The following CACNA2D3 variants were observed in gnomAD, a reference collection of about 807,000 sequenced individuals.
CACNA2D3 encodes calcium voltage-gated channel auxiliary subunit alpha2delta 3, also known as voltage-dependent calcium channel subunit alpha-2/delta-3.
In CACNA2D3, 60 loss-of-function variants were observed where a neutral mutation model predicts 160.6. The observed-to-expected ratio is 0.37, with a 90% CI of 0.30 to 0.46. CACNA2D3 has a LOEUF of 0.46. Ranked by LOEUF, CACNA2D3 falls within the 20% of genes least tolerant of loss-of-function variation. The pLI, the probability that CACNA2D3 is intolerant of heterozygous loss-of-function variation, is 1.00. For synonymous variants in CACNA2D3, 558 were observed against 492.9 expected (o/e 1.13, Z -1.75); for missense variants, 1,205 against 1,365.0 (o/e 0.88, Z 1.85).
chr3:55,000,949 C>G (rs369636077), intron 31 of CACNA2D3, among the ~76,000 whole-genome samples: 1 of 152,110 alleles, frequency 6.6e-6, no homozygotes, highest in East Asian at 1.9e-4. Flanking sequence ...TCAGCTTGGC[C>G]CCCTACTAAA....
intron 34 of CACNA2D3, among the ~76,000 whole-genome samples, chr3:55,010,524 C>T (rs563606300): frequency 4.7e-4 from 71 of 152,300 alleles, no homozygotes; most frequent in Middle Eastern, 6.8e-3. Flanking sequence ...GCAGTCTGCC[C>T]CAGGCCTGCC....
At chr3:54,242,121 T>G in intron 2 of CACNA2D3, among the ~76,000 whole-genome samples, 1 of 152,054 alleles carries the variant, frequency 6.6e-6, no homozygotes, top group East Asian at 1.9e-4. Context: ...TAAAAATAAC[T>G]AATAATAAAA....
At chr3:54,842,840 A>G (rs929589339) in intron 16 of CACNA2D3, among the ~76,000 whole-genome samples, 1 of 151,904 alleles carries the variant, frequency 6.6e-6, no homozygotes, top group African/African-American at 2.4e-5. Flanking sequence ...ACCTGAAGTG[A>G]TCTGCCTGCC....
chr3:55,055,484 G>A (rs1338124862), intron 35 of CACNA2D3, among the ~76,000 whole-genome samples: 1 of 152,030 alleles, frequency 6.6e-6, no homozygotes, highest in Non-Finnish European at 1.5e-5. Flanking sequence ...GTAGTATGGT[G>A]TCTCCAGCTT....
chr3:54,617,115 C>T (rs1355593951), intron 9 of CACNA2D3, among the ~76,000 whole-genome samples: 6 of 152,070 alleles, frequency 3.9e-5, no homozygotes, highest in African/African-American at 1.4e-4. Context: ...TATGTCTGCC[C>T]CCACATGCTG....
At chr3:54,729,577 A>G (rs1701345418) in intron 11 of CACNA2D3, among the ~76,000 whole-genome samples, 1 of 152,244 alleles carries the variant, frequency 6.6e-6, no homozygotes, top group African/African-American at 2.4e-5. Context: ...GAACTAGCAC[A>G]GAAATGCCAG....
chr3:54,456,379 A>C (rs552123434), intron 4 of CACNA2D3, among the ~76,000 whole-genome samples: 24 of 152,044 alleles, frequency 1.6e-4, no homozygotes, highest in Non-Finnish European at 2.7e-4. Flanking sequence ...GGTGTGTAGG[A>C]ATACTACTGA....
intron 11 of CACNA2D3, among the ~76,000 whole-genome samples, chr3:54,698,936 G>A (rs775322449): frequency 5.9e-5 from 9 of 152,148 alleles, no homozygotes; most frequent in African/African-American, 1.9e-4. Context: ...TAACAACCAC[G>A]TGAATGCAGG....
intron 11 of CACNA2D3, among the ~76,000 whole-genome samples, chr3:54,646,086 A>C (rs1699629252): frequency 1.4e-5 from 2 of 147,968 alleles, no homozygotes; most frequent in African/African-American, 2.5e-5. Context: ...CAGAAGGGAT[A>C]TCCTGGGTGG....
At chr3:54,670,468 G>A (rs542147749) in intron 11 of CACNA2D3, among the ~76,000 whole-genome samples, 2 of 152,234 alleles carry the variant, frequency 1.3e-5, no homozygotes, top group African/African-American at 4.8e-5. Flanking sequence ...CTTTACAGGC[G>A]CAAATAATGG....
At chr3:54,579,648 C>G (rs1053464374) in intron 8 of CACNA2D3, among the ~76,000 whole-genome samples, 1 of 152,154 alleles carries the variant, frequency 6.6e-6, no homozygotes. Flanking sequence ...TGTATTGTCA[C>G]CCTAAACCAA....
At chr3:54,918,918 A>T (rs750990226) in intron 27 of CACNA2D3, 1 of 1,507,518 alleles carries the variant, frequency 6.6e-7, no homozygotes, top group Non-Finnish European at 8.9e-7. Context: ...GCAAAGAACA[A>T]TAACAAAGCC....
intron 4 of CACNA2D3, among the ~76,000 whole-genome samples, chr3:54,466,105 C>G (rs1700620253): frequency 6.6e-6 from 1 of 152,168 alleles, no homozygotes; most frequent in Non-Finnish European, 1.5e-5. Flanking sequence ...AGGGAAAACT[C>G]TGCTTTTGAA....
Position 54,506,689 on chromosome 3 carries a change from A to G in CACNA2D3, c.544+3035A>G, listed in dbSNP as rs115954366. Among the ~76,000 whole-genome samples, 598 of 152,318 alleles carry G rather than the reference A, an allele frequency of 3.9e-3. 4 individuals carry two copies. The highest frequency in any genetic ancestry group is 0.014 in the African/African-American group (568 of 41,564). On this transcript the variant is annotated intron_variant, in intron 5 of 37. Transcript: ENST00000474759. ...TTTAGAAATGCATCTCAGGGCCCTC[A>G]GGTTGCCTGATGCAGCAGCTTTTTT...
At chr3:54,541,486 C>T (rs73093839) in intron 5 of CACNA2D3, among the ~76,000 whole-genome samples, 1 of 151,878 alleles carries the variant, frequency 6.6e-6, no homozygotes, top group South Asian at 2.1e-4. Flanking sequence ...CCAAAAGGAA[C>T]CAGCTCTGCA....
intron 5 of CACNA2D3, among the ~76,000 whole-genome samples, chr3:54,509,999 G>A (rs1246549165): frequency 6.6e-6 from 1 of 152,180 alleles, no homozygotes; most frequent in East Asian, 1.9e-4. Context: ...GTGTGATTTG[G>A]CCCTTTGTGG....
intron 3 of CACNA2D3, among the ~76,000 whole-genome samples, chr3:54,333,903 G>C (rs551261023): frequency 1.3e-5 from 2 of 152,184 alleles, no homozygotes; most frequent in Non-Finnish European, 2.9e-5. Flanking sequence ...CTCTGAGGCA[G>C]TTATAAGGAG....
At chr3:54,857,982 C>A (rs1699209874) in intron 17 of CACNA2D3, among the ~76,000 whole-genome samples, 1 of 151,850 alleles carries the variant, frequency 6.6e-6, no homozygotes. Flanking sequence ...AGATAGGATT[C>A]TCGGCTGCTT....
intron 5 of CACNA2D3, among the ~76,000 whole-genome samples, chr3:54,549,978 G>T (rs73093852): frequency 1.3e-5 from 2 of 152,138 alleles, no homozygotes; most frequent in African/African-American, 4.8e-5. Context: ...ATCAGGAATC[G>T]GTTCTTGCTA....
Sources: gnomAD v4.1 joint callset for allele counts (sites outside exome capture counted in the v4.1 genomes callset) on GRCh38, gnomAD v4.1.1 for gene constraint, MANE v1.5 for transcripts, NCBI Gene and HGNC (gene_info 2026-07-23, HGNC 2026-07-21) for gene names.